The following ARHGEF9 variants were observed in gnomAD, a reference collection of about 807,000 sequenced individuals.
ARHGEF9 encodes the protein Cdc42 guanine nucleotide exchange factor 9, also known as rho guanine nucleotide exchange factor 9.
A neutral mutation model predicts 41.3 loss-of-function variants in ARHGEF9; 2 were observed. The observed-to-expected ratio is 0.05, with a 90% CI of 0.02 to 0.15. ARHGEF9 has a LOEUF of 0.15. ARHGEF9 is among the 10% of genes least tolerant of loss of function. The pLI is 1.00. For missense variants in ARHGEF9, 225 were observed against 424.7 expected, an observed-to-expected ratio of 0.53 and a Z score of 4.13; for synonymous variants, 160 against 154.4, an observed-to-expected ratio of 1.04 and a Z score of -0.27.
intron 3 of ARHGEF9, among the ~76,000 whole-genome samples, chrX:63,703,844 A>G (rs1358977334): frequency 5.4e-5 from 6 of 111,749 alleles, no homozygotes; most frequent in Non-Finnish European, 1.1e-4. Context: ...TTGAGCAAAG[A>G]CTTGAAGGAG....
At position 63,637,800 on chromosome X, in the gene ARHGEF9, T is replaced by C. The variant is rs2047377860; in HGVS notation, c.*228A>G. 2 of 304,692 alleles carry C rather than the reference T, an allele frequency of 6.6e-6. No individual in the cohort carries two copies. Among genetic ancestry groups the C allele is most frequent in the East Asian group, 5.0e-5 (1 of 20,119 alleles). 25.1% of individuals were successfully genotyped at this position (304,692 alleles called of 1,213,427 possible). A position where few individuals can be genotyped will look rare whatever the true frequency, so the allele number is the denominator to read the frequency against. ...GGTACCTCTTCCTACCAACCACATATTTCACTTCCCCAAAACAACAGAAAA... is the reference window on the plus strand; with the variant it reads ...GGTACCTCTTCCTACCAACCACATACTTCACTTCCCCAAAACAACAGAAAA... On this transcript the variant is annotated 3_prime_UTR_variant, in exon 10 of 10. Coordinates refer to ENST00000671741, the MANE Select transcript of ARHGEF9 (RefSeq NM_001353921.2).
At chrX:63,684,271 T>C (rs1455028652) in intron 4 of ARHGEF9, among the ~76,000 whole-genome samples, 1 of 110,665 alleles carries the variant, frequency 9.0e-6, no homozygotes, top group Non-Finnish European at 1.9e-5. Context: ...ACGATGATGC[T>C]CAACATCATT....
chrX:63,695,309 C>G (rs2051660980), intron 4 of ARHGEF9, among the ~76,000 whole-genome samples: 1 of 111,970 alleles, frequency 8.9e-6, no homozygotes, highest in African/African-American at 3.2e-5. Flanking sequence ...CTATAAGGTA[C>G]ATACATCTAG....
At chrX:63,724,748 A>G in intron 1 of ARHGEF9, 37 bp from the exon 2 acceptor site, 1 of 1,182,061 alleles carries the variant, frequency 8.5e-7, no homozygotes. Context: ...CAGTCCACAC[A>G]GCTACCTTGC....
At chrX:63,694,188 A>G (rs2051577438) in intron 4 of ARHGEF9, among the ~76,000 whole-genome samples, 1 of 110,996 alleles carries the variant, frequency 9.0e-6, no homozygotes, top group African/African-American at 3.3e-5. Context: ...GTCTCCAAAA[A>G]AAAAAAAAAA....
chrX:63,638,759 T>C (rs1389101655), intron 9 of ARHGEF9: 7 of 295,725 alleles, frequency 2.4e-5, no homozygotes, highest in Non-Finnish European at 3.5e-5. Context: ...TGATTTAGTG[T>C]TCTGTCCTGG....
chrX:63,731,803 C>T (rs1169960752), intron 1 of ARHGEF9, among the ~76,000 whole-genome samples: 8 of 110,651 alleles, frequency 7.2e-5, no homozygotes, highest in Non-Finnish European at 1.5e-4. Flanking sequence ...TCAGGTGATC[C>T]GCCTGCCTTG....
At chrX:63,763,837 G>A (rs2056073395) in intron 1 of ARHGEF9, among the ~76,000 whole-genome samples, 1 of 111,396 alleles carries the variant, frequency 9.0e-6, no homozygotes, top group Non-Finnish European at 1.9e-5. Flanking sequence ...CTCAGTAAAT[G>A]ACAATAAATA....
At chrX:63,754,909 G>A in intron 1 of ARHGEF9, 1 of 940,149 alleles carries the variant, frequency 1.1e-6, no homozygotes, top group Non-Finnish European at 1.3e-6. Context: ...CAAAGGGAAA[G>A]GCGGGGGGAA....
intron 6 of ARHGEF9, among the ~76,000 whole-genome samples, chrX:63,673,070 C>G (rs1157887878): frequency 1.8e-5 from 2 of 111,987 alleles, no homozygotes; most frequent in African/African-American, 6.5e-5. Context: ...TTTCAGCAAT[C>G]TACATTAAGG....
intron 4 of ARHGEF9, among the ~76,000 whole-genome samples, chrX:63,687,272 T>C (rs1232582697): frequency 4.5e-5 from 5 of 111,423 alleles, no homozygotes; most frequent in Admixed American, 9.6e-5. Context: ...ACTCTGAAAT[T>C]GAGAAAGACT....
intron 8 of ARHGEF9, among the ~76,000 whole-genome samples, chrX:63,651,995 C>G (rs1481638781): frequency 4.5e-5 from 5 of 110,885 alleles, no homozygotes; most frequent in Non-Finnish European, 7.6e-5. Flanking sequence ...GCTGGTGAGG[C>G]TATGCGGAAG....
chrX:63,715,936 T>C (rs1420201422), intron 2 of ARHGEF9: 1 of 111,925 alleles, frequency 8.9e-6, no homozygotes, highest in Non-Finnish European at 1.9e-5. Flanking sequence ...TGCATTGAAT[T>C]GTATACTTTA....
intron 7 of ARHGEF9, 30 bp from the exon 8 acceptor site, chrX:63,655,767 G>C (rs55880123): frequency 8.3e-7 from 1 of 1,201,489 alleles, no homozygotes; most frequent in African/African-American, 1.7e-5. Flanking sequence ...TTTCTTGAAG[G>C]TATGTGCACG....
intron 1 of ARHGEF9, among the ~76,000 whole-genome samples, chrX:63,729,002 G>C (rs1556418780): frequency 1.8e-5 from 2 of 111,545 alleles, no homozygotes; most frequent in Non-Finnish European, 3.8e-5. Context: ...TGGCTAAAAA[G>C]GTGAGTGAAG....
At chrX:63,654,600 C>T (rs1386194456) in intron 8 of ARHGEF9, among the ~76,000 whole-genome samples, 1 of 111,748 alleles carries the variant, frequency 8.9e-6, no homozygotes, top group Non-Finnish European at 1.9e-5. Context: ...TAATTTCAAT[C>T]GCCCACATGG....
chrX:63,726,797 A>G (rs1556417390), intron 1 of ARHGEF9: 1 of 111,737 alleles, frequency 8.9e-6, no homozygotes, highest in African/African-American at 3.3e-5. Context: ...CATTATCTAT[A>G]CTGAACTCCA....
intron 1 of ARHGEF9, among the ~76,000 whole-genome samples, chrX:63,775,166 C>G (rs1197295862): frequency 1.8e-5 from 2 of 111,964 alleles, no homozygotes; most frequent in African/African-American, 6.5e-5. Context: ...ATTAAGAAGT[C>G]AAAAAATAAC....
intron 1 of ARHGEF9, among the ~76,000 whole-genome samples, chrX:63,781,523 G>A (rs144362682): frequency 2.9e-4 from 32 of 111,615 alleles, no homozygotes; most frequent in South Asian, 7.6e-4. Flanking sequence ...CACTCTTAGC[G>A]ATCTGAGGGT....
Sources: gnomAD v4.1 joint callset for allele counts (sites outside exome capture counted in the v4.1 genomes callset) on GRCh38, gnomAD v4.1.1 for gene constraint, MANE v1.5 for transcripts, NCBI Gene and HGNC (gene_info 2026-07-23, HGNC 2026-07-21) for gene names.